FMN2: variants seen among roughly 807,000 people sequenced by gnomAD.
FMN2 encodes formin-2.
A neutral mutation model predicts 142.3 loss-of-function variants in FMN2; 51 were observed. That is an observed-to-expected ratio of 0.36 (90% CI 0.29 to 0.45). FMN2 has a LOEUF of 0.45. Ranked by LOEUF, FMN2 falls within the 20% of genes least tolerant of loss-of-function variation. The probability of loss-of-function intolerance (pLI) is 1.00; values close to 1 mark genes in which losing one functional copy is unlikely to be tolerated. For synonymous variants in FMN2, 882 were observed against 869.8 expected, an observed-to-expected ratio of 1.01 and a Z score of -0.25; for missense variants, 1,936 against 2,122.8, an observed-to-expected ratio of 0.91 and a Z score of 1.73.
At chr1:240,143,302 G>A in intron 2 of FMN2, 1 of 1,508,416 alleles carries the variant, frequency 6.6e-7, no homozygotes, top group Non-Finnish European at 9.2e-7. Flanking sequence ...AGAGATGAGG[G>A]CCAGTGCTAA....
intron 6 of FMN2, among the ~76,000 whole-genome samples, chr1:240,250,411 A>G (rs1309887116): frequency 6.6e-6 from 1 of 152,130 alleles, no homozygotes; most frequent in Non-Finnish European, 1.5e-5. Flanking sequence ...CATATGTACA[A>G]CCATTTTTGC....
chr1:240,148,450 GAGAA>G (rs1266341195), intron 2 of FMN2, among the ~76,000 whole-genome samples: 6 of 114,234 alleles, frequency 5.3e-5, no homozygotes, highest in African/African-American at 1.6e-4. Context: ...GACAGAGAGA[GAGAA>G]AGAGAGAGAG....
chr1:240,144,336 T>C, intron 2 of FMN2: 1 of 1,606,412 alleles, frequency 6.2e-7, no homozygotes, highest in Non-Finnish European at 8.5e-7. Flanking sequence ...GTTTTGTAGA[T>C]GTCATCAGGC....
chr1:240,407,328 A>G (rs1674244547), intron 15 of FMN2, among the ~76,000 whole-genome samples: 1 of 152,034 alleles, frequency 6.6e-6, no homozygotes, highest in Non-Finnish European at 1.5e-5. Context: ...TAGTAGAGAC[A>G]GGGTTTCACC....
chr1:240,228,997 T>C (rs1424841922), intron 6 of FMN2, among the ~76,000 whole-genome samples: 1 of 151,940 alleles, frequency 6.6e-6, no homozygotes, highest in Non-Finnish European at 1.5e-5. Context: ...TAAAACCCCT[T>C]TGGAAAATCC....
Position 240,207,209 on chromosome 1 carries a change from C to T in FMN2, c.2397C>T (p.Asp799=). The part of the protein sequence containing the change: ...VSPRRISVQL[D]SHQPTQSISQ... The stretch of plus-strand genomic sequence containing the variant: ...CAAGGCGAATATCAGTCCAGCTCGA[C>T]AGCCATCAGCCCACACAGAGCATCT... The change falls in exon 5 of 18, where the codon GAC becomes GAT. Residue 799 remains aspartate (D), a synonymous_variant. Transcript: ENST00000319653. 6.2e-7 allele frequency: 1 copy of T among 1,614,040 alleles called. No homozygotes were observed. Among genetic ancestry groups the T allele is most frequent in the Non-Finnish European group, 8.5e-7 (1 of 1,179,944 alleles).
At chr1:240,219,250 G>C (rs1038831045) in intron 6 of FMN2, among the ~76,000 whole-genome samples, 1 of 152,182 alleles carries the variant, frequency 6.6e-6, no homozygotes, top group African/African-American at 2.4e-5. Context: ...ACTGAATTTA[G>C]ATTAATTGGA....
At chr1:240,143,487 C>T (rs1663285435) in intron 2 of FMN2, 2 of 1,551,970 alleles carry the variant, frequency 1.3e-6, no homozygotes, top group African/African-American at 2.7e-5. Flanking sequence ...CCTTCTTTTC[C>T]TTCTTGCCTT....
intron 6 of FMN2, among the ~76,000 whole-genome samples, chr1:240,244,215 T>G (rs886320657): frequency 1.8e-4 from 28 of 152,174 alleles, no homozygotes; most frequent in African/African-American, 6.8e-4. Flanking sequence ...TATGCTCTTT[T>G]AACTAGGAAT....
At chr1:240,122,062 A>AAATTAATTAATTAATT (rs138503789) in intron 1 of FMN2, among the ~76,000 whole-genome samples, 320 of 97,216 alleles carry the variant, frequency 3.3e-3, no homozygotes, top group African/African-American at 8.4e-3. Flanking sequence ...TTTGGATCCA[A>AAATTAATTAATTAATT]AATTAATTAA....
chr1:240,277,834 C>T (rs1669270905), intron 7 of FMN2, among the ~76,000 whole-genome samples: 1 of 151,908 alleles, frequency 6.6e-6, no homozygotes, highest in South Asian at 2.1e-4. Context: ...AGCGCCTGGC[C>T]CGTACCTACA....
intron 2 of FMN2, chr1:240,142,676 A>G (rs1279019559): frequency 1.2e-6 from 2 of 1,610,012 alleles, no homozygotes; most frequent in Admixed American, 3.3e-5. Context: ...CTTAGAGATC[A>G]TAATTGGGGT....
chr1:240,145,084 T>C, intron 2 of FMN2: 1 of 1,447,570 alleles, frequency 6.9e-7, no homozygotes, highest in South Asian at 1.1e-5. Flanking sequence ...GACGCAGACA[T>C]TTGAGAGACT....
At chr1:240,294,673 G>A (rs7526497) in intron 7 of FMN2, 149 bp from the exon 8 acceptor site, 3 of 653,038 alleles carry the variant, frequency 4.6e-6, no homozygotes, top group Non-Finnish European at 8.1e-6. Flanking sequence ...AATTCCTGGT[G>A]CAGGCTTTGC....
At chr1:240,271,398 C>A (rs1003701227) in intron 7 of FMN2, among the ~76,000 whole-genome samples, 1 of 148,432 alleles carries the variant, frequency 6.7e-6, no homozygotes, top group African/African-American at 2.5e-5. Context: ...TTTTTCCCCA[C>A]TAGGCTTTTC....
chr1:240,355,787 A>T, intron 13 of FMN2, 29 bp from the exon 14 acceptor site: 2 of 1,530,418 alleles, frequency 1.3e-6, no homozygotes, highest in Non-Finnish European at 1.8e-6. Flanking sequence ...ACAGTGTGAC[A>T]CTCTAAATAA....
In FMN2 at chr1:240,177,960, A is replaced by G. The variant is rs779720695; in HGVS notation, c.1822A>G (p.Thr608Ala). The change falls in exon 3 of 18, where the codon ACA becomes GCA. Residue 608 changes from threonine to alanine, a missense_variant. Thr to Ala is a moderately conservative substitution (Grantham distance 58, BLOSUM62 0). This residue lies in a region of FMN2 where 478 missense variants were observed against 462.8 expected (regional missense o/e 1.03). Coordinates refer to ENST00000319653, the MANE Select transcript of FMN2 (RefSeq NM_020066.5). ...LYTWAAVSQP[T>A]HSLDYSEGQF... ...TACCTGGGCTGCAGTTAGTCAACCC[A>G]CACACTCATTGGACTATTCAGAAGG... is the stretch of plus-strand genomic sequence containing the variant. 4 of 1,607,050 alleles carry G rather than the reference A, an allele frequency of 2.5e-6. No individual in the cohort carries two copies. The Admixed American group carries it at 5.1e-5, about 21-fold the overall frequency.
intron 2 of FMN2, chr1:240,142,693 G>A (rs780226528): frequency 7.8e-5 from 126 of 1,610,950 alleles, no homozygotes; most frequent in Middle Eastern, 4.5e-4. Context: ...GGGTTCTTCC[G>A]AAGGATAACA....
chr1:240,112,351 C>G (rs567379064), intron 1 of FMN2, among the ~76,000 whole-genome samples: 1 of 152,072 alleles, frequency 6.6e-6, no homozygotes, highest in South Asian at 2.1e-4. Flanking sequence ...AGGTTGGTCT[C>G]GATCTCTTGA....
Sources: allele counts gnomAD v4.1 joint callset (sites outside exome capture counted in the v4.1 genomes callset), GRCh38; gene constraint gnomAD v4.1.1; regional missense constraint gnomAD v4.1.1; transcripts MANE v1.5; gene names NCBI Gene and HGNC (gene_info 2026-07-23, HGNC 2026-07-21).